The following GRID2 variants were observed in gnomAD, a reference collection of about 807,000 sequenced individuals.
GRID2 encodes the protein glutamate ionotropic receptor delta type subunit 2.
GRID2 carries 33 observed loss-of-function variants against 114.8 expected under a neutral mutation model. That is an observed-to-expected ratio of 0.29 (90% CI 0.22 to 0.38). The LOEUF is 0.38. GRID2 is among the 10% of genes least tolerant of loss of function. The probability of loss-of-function intolerance (pLI) is 1.00; values close to 1 mark genes in which losing one functional copy is unlikely to be tolerated. For synonymous variants in GRID2, 505 were observed against 449.9 expected (o/e 1.12, Z -1.55); for missense variants, 1,184 against 1,257.7 (o/e 0.94, Z 0.89).
At chr4:93,418,813 G>A (rs973618120) in intron 9 of GRID2, among the ~76,000 whole-genome samples, 19 of 151,942 alleles carry the variant, frequency 1.3e-4, no homozygotes, top group African/African-American at 4.6e-4. Context: ...AGAGGATTGT[G>A]TTTTTCTCTG....
intron 3 of GRID2, among the ~76,000 whole-genome samples, chr4:93,095,709 A>C (rs1187907207): frequency 6.6e-6 from 1 of 152,032 alleles, no homozygotes; most frequent in Admixed American, 6.6e-5. Context: ...TTTGCAAGAC[A>C]TTTACGCTAA....
At chr4:93,197,433 A>G (rs1741607262) in intron 4 of GRID2, among the ~76,000 whole-genome samples, 1 of 152,100 alleles carries the variant, frequency 6.6e-6, no homozygotes, top group Non-Finnish European at 1.5e-5. Context: ...TAATTAAATG[A>G]GTTATTATCT....
intron 2 of GRID2, among the ~76,000 whole-genome samples, chr4:93,066,668 C>A (rs778627600): frequency 3.3e-5 from 5 of 151,690 alleles, no homozygotes; most frequent in Non-Finnish European, 7.4e-5. Flanking sequence ...AGATAAAATA[C>A]TTTTTCTTAT....
chr4:93,729,196 C>T (rs946382357), intron 14 of GRID2, among the ~76,000 whole-genome samples: 8 of 152,006 alleles, frequency 5.3e-5, no homozygotes, highest in Non-Finnish European at 1.2e-4. Flanking sequence ...ATGCCCGGCC[C>T]GTTCCAGAGT....
chr4:93,696,649 C>T (rs1019311837), intron 14 of GRID2, among the ~76,000 whole-genome samples: 1 of 152,168 alleles, frequency 6.6e-6, no homozygotes, highest in Non-Finnish European at 1.5e-5. Flanking sequence ...AGCGAAAACT[C>T]TCAAATAATT....
At chr4:93,214,891 C>T (rs1439734411) in intron 5 of GRID2, among the ~76,000 whole-genome samples, 1 of 151,856 alleles carries the variant, frequency 6.6e-6, no homozygotes, top group Non-Finnish European at 1.5e-5. Context: ...TAAATAATTC[C>T]TGTAAGGAAA....
Position 93,610,806 on chromosome 4 carries a change from T to C in GRID2, c.2194-15463T>C, listed in dbSNP as rs1475202760. 6.3e-5 allele frequency among the ~76,000 whole-genome samples: 7 copies of C among 110,862 alleles called. No individual in the cohort carries two copies. The East Asian group carries it at 1.0e-3, about 17-fold the overall frequency. 72.7% of individuals were successfully genotyped at this position (110,862 alleles called of 152,430 possible). ...TGGTTGTGTCTCTGCCCGGCTTTGG[T>C]ATCAGAATGATGCTGGCCTCATAAA... On this transcript the variant is annotated intron_variant, in intron 13 of 15. Transcript: ENST00000282020.
chr4:92,368,620 T>A (rs547594182), intron 1 of GRID2, among the ~76,000 whole-genome samples: 1 of 152,232 alleles, frequency 6.6e-6, no homozygotes, highest in Non-Finnish European at 1.5e-5. Context: ...GAAGAGTTTA[T>A]AATCTAAGTA....
At position 93,626,304 on chromosome 4, in the gene GRID2, A is replaced by G; in HGVS notation, c.2229A>G (p.Ala743=). 1 of 1,603,098 alleles carries G rather than the reference A, an allele frequency of 6.2e-7. No homozygotes were observed. The highest frequency in any genetic ancestry group is 8.5e-7 in the Non-Finnish European group (1 of 1,170,810). Residue 743 remains alanine (A), a synonymous_variant, in exon 14 of 16, where the codon GCA becomes GCG. Coordinates refer to ENST00000282020, the MANE Select transcript of GRID2 (RefSeq NM_001510.4). Reference sequence around the variant, plus strand: ...GAAATTATGCTTTCGTATGGGATGCAGCTGTATTGGAATATGTGGCTATCA... The same window carrying G: ...GAAATTATGCTTTCGTATGGGATGCGGCTGTATTGGAATATGTGGCTATCA... ...KYGNYAFVWD[A]AVLEYVAIND...
intron 1 of GRID2, among the ~76,000 whole-genome samples, chr4:92,519,601 T>TTTTA (rs1553944877): frequency 6.7e-6 from 1 of 149,558 alleles, no homozygotes; most frequent in African/African-American, 2.4e-5. Flanking sequence ...ATATATGAGA[T>TTTTA]TATATATATA....
chr4:93,110,946 T>C lies in GRID2; in HGVS notation c.728T>C (p.Ile243Thr), dbSNP rs538257970. The C allele has an allele frequency of 8.1e-6, 13 of 1,601,794 alleles. No individual in the cohort carries two copies. In the South Asian group the frequency reaches 1.4e-4, roughly 18 times the overall value. The change falls in exon 4 of 16, where the codon ATT becomes ACT. Residue 243 changes from isoleucine (I) to threonine (T), a missense_variant. Ile to Thr is a moderately conservative substitution (Grantham distance 89, BLOSUM62 -1). Transcript: ENST00000282020. ...AATCCTGCTACAGCCAAATCCTTCA[T>C]TACTGAGGTAAGTGAAAATTGTCTT... is the stretch of plus-strand genomic sequence containing the variant. ...VMNPATAKSF[I>T]TEVVETNLVA...
chr4:92,821,682 C>G (rs1333897982), intron 2 of GRID2, among the ~76,000 whole-genome samples: 1 of 152,030 alleles, frequency 6.6e-6, no homozygotes, highest in East Asian at 1.9e-4. Context: ...CTGCATATAG[C>G]CCACCCCCTC....
intron 13 of GRID2, among the ~76,000 whole-genome samples, chr4:93,536,636 A>T (rs1324684463): frequency 1.4e-5 from 2 of 140,402 alleles, no homozygotes; most frequent in Non-Finnish European, 3.1e-5. Context: ...ATGACTTGAT[A>T]TTTTTGACTT....
At chr4:93,344,540 A>T (rs1253227750) in intron 8 of GRID2, among the ~76,000 whole-genome samples, 1 of 151,216 alleles carries the variant, frequency 6.6e-6, no homozygotes, top group Non-Finnish European at 1.5e-5. Context: ...GCTAATTAAC[A>T]TCTATTGTTG....
intron 11 of GRID2, among the ~76,000 whole-genome samples, chr4:93,457,606 A>T (rs1723323730): frequency 6.6e-6 from 1 of 152,188 alleles, no homozygotes; most frequent in Admixed American, 6.5e-5. Context: ...ACAATAACTG[A>T]GCAAAGAGTT....
chr4:92,587,098 CTGTGTGTGTGTGTGTGTG>C (rs70942914), intron 1 of GRID2, among the ~76,000 whole-genome samples: 1 of 133,764 alleles, frequency 7.5e-6, no homozygotes, highest in African/African-American at 2.7e-5. Flanking sequence ...TGATGAAATG[CTGTGTGTGTGTGTGTGTG>C]TGTGTGTGTG....
chr4:92,670,647 T>A (rs2149275908), intron 2 of GRID2, among the ~76,000 whole-genome samples: 1 of 152,226 alleles, frequency 6.6e-6, no homozygotes, highest in African/African-American at 2.4e-5. Flanking sequence ...CAGTAAATGT[T>A]AAAACTACTA....
chr4:92,509,029 T>C (rs887901604), intron 1 of GRID2, among the ~76,000 whole-genome samples: 1 of 151,842 alleles, frequency 6.6e-6, no homozygotes, highest in Admixed American at 6.6e-5. Context: ...ATTGCACCAC[T>C]GCACTATAGC....
At chr4:93,040,456 G>C (rs778537664) in intron 2 of GRID2, among the ~76,000 whole-genome samples, 24 of 152,088 alleles carry the variant, frequency 1.6e-4, no homozygotes, top group Admixed American at 4.6e-4. Context: ...AGATTTAATT[G>C]TCAGAAGTAT....
Sources: allele counts gnomAD v4.1 joint callset (sites outside exome capture counted in the v4.1 genomes callset), GRCh38; gene constraint gnomAD v4.1.1; transcripts MANE v1.5; gene names NCBI Gene and HGNC (gene_info 2026-07-23, HGNC 2026-07-21).